Variants in AKAP8 observed in about 807,000 individuals in gnomAD.
The protein encoded by AKAP8 is A-kinase anchoring protein 8, also known as A-kinase anchor protein 8.
Under a neutral mutation model 67.5 loss-of-function variants are expected in AKAP8, and 24 were observed. The ratio of observed to expected loss-of-function variants is 0.36; its 90% CI spans 0.26 to 0.50. The LOEUF (loss-of-function observed/expected upper bound fraction) is 0.50. Among genes scored for constraint, AKAP8 ranks in the 20% least tolerant of loss-of-function variants. The pLI, the probability that AKAP8 is intolerant of heterozygous loss-of-function variation, is 0.97. For missense variants in AKAP8, 971 were observed against 955.9 expected (o/e 1.02, Z -0.21); for synonymous variants, 400 against 371.1 (o/e 1.08, Z -0.90).
At chr19:15,377,747 C>T (rs1265463024) in intron 1 of AKAP8, among the ~76,000 whole-genome samples, 2 of 152,120 alleles carry the variant, frequency 1.3e-5, no homozygotes, top group South Asian at 2.1e-4. Flanking sequence ...GGATTACAGG[C>T]GTGAGTCACC....
rs763864182 is a variant in AKAP8 at position 15,372,853 on chromosome 19, G to A, written c.859C>T (p.Arg287Trp). ...RSQPRMRDRDRPKRRGFDRFG... is the reference protein window; with the variant it reads ...RSQPRMRDRDWPKRRGFDRFG... The stretch of plus-strand genomic sequence containing the variant: ...GAAGGAACCTTGCGAGGGCTTACCC[G>A]ATCCCGATCCCGCATCCGAGGCTGC... The change falls in exon 5 of 14, where the codon CGG becomes TGG. Residue 287 changes from arginine (R) to tryptophan (W), a missense_variant and splice_region_variant. Physicochemically the swap from Arg to Trp is moderately radical, Grantham distance 101 (BLOSUM62 -3). Coordinates refer to ENST00000269701, the MANE Select transcript of AKAP8 (RefSeq NM_005858.4). 5 of 1,499,830 alleles carry A rather than the reference G, an allele frequency of 3.3e-6. No individual in the cohort carries two copies. The East Asian group carries it at 7.0e-5, about 21-fold the overall frequency. The allele number at this position is 1,499,830 out of a possible 1,614,324, so 92.9% of individuals were successfully genotyped here.
At chr19:15,376,630 G>A (rs977722061) in intron 2 of AKAP8, among the ~76,000 whole-genome samples, 1 of 152,092 alleles carries the variant, frequency 6.6e-6, no homozygotes, top group African/African-American at 2.4e-5. Flanking sequence ...TAATTATAGA[G>A]AAAAAACACC....
intron 7 of AKAP8, 109 bp from the exon 8 acceptor site, chr19:15,370,288 G>A (rs1351223746): frequency 1.9e-5 from 24 of 1,278,092 alleles, no homozygotes; most frequent in Non-Finnish European, 2.4e-5. Flanking sequence ...CCAAGACCTA[G>A]GTTGCTATGC....
In AKAP8 at chr19:15,355,382, G is replaced by A. The variant is rs2048271574; in HGVS notation, c.1624-12C>T. 4.4e-6 allele frequency: 7 copies of A among 1,606,000 alleles called. No homozygotes were observed. In the Middle Eastern group the frequency reaches 6.6e-4, roughly 152 times the overall value. ...AAAGGGTCCTCACCCTGGCCAAAGA[G>A]GAAACACCGGTCAGCGTGGTGTAAG... On this transcript the variant is annotated splice_polypyrimidine_tract_variant and intron_variant, in intron 13 of 13. Coordinates refer to ENST00000269701, the MANE Select transcript of AKAP8 (RefSeq NM_005858.4).
chr19:15,372,753 A>G, intron 5 of AKAP8, 98 bp downstream of exon 5: 2 of 1,405,824 alleles, frequency 1.4e-6, no homozygotes, highest in Non-Finnish European at 1.9e-6. Flanking sequence ...GCGCACTTAA[A>G]AACATTTAAG....
In AKAP8 at chr19:15,373,829, C is replaced by T. The variant is rs751838083; in HGVS notation, c.328G>A (p.Gly110Ser). ...CCCTCCCCACCGCCGCCGCTCCCGC[C>T]CCTGCCTCCTTCCTTGGACATCATG... ...LDMMSKEGGR[G>S]GSGGGGEGIQ... The change falls in exon 4 of 14, where the codon GGC becomes AGC. Residue 110 changes from glycine (G) to serine (S), a missense_variant. By Grantham distance (56) the Gly-to-Ser change is moderately conservative. Coordinates refer to ENST00000269701, the MANE Select transcript of AKAP8 (RefSeq NM_005858.4). The T allele has an allele frequency of 6.2e-7, 1 of 1,612,078 alleles. No homozygotes were observed. Among genetic ancestry groups the T allele is most frequent in the Admixed American group, 1.7e-5 (1 of 60,026 alleles).
intron 1 of AKAP8, among the ~76,000 whole-genome samples, chr19:15,378,160 C>G (rs970589165): frequency 6.6e-6 from 1 of 152,194 alleles, no homozygotes; most frequent in African/African-American, 2.4e-5. Context: ...TCATGGGTTA[C>G]GAGACTTGAC....
At chr19:15,366,244 C>G (rs1967068739) in intron 9 of AKAP8, among the ~76,000 whole-genome samples, 1 of 150,362 alleles carries the variant, frequency 6.7e-6, no homozygotes, top group Non-Finnish European at 1.5e-5. Context: ...AGGAAGATCT[C>G]TTGAGGCTAG....
At chr19:15,376,924 G>A (rs1967262326) in intron 2 of AKAP8, 52 bp downstream of exon 2, 1 of 1,588,430 alleles carries the variant, frequency 6.3e-7, no homozygotes, top group African/African-American at 1.3e-5. Context: ...CCATGCTAGG[G>A]CCTTGAGTTA....
chr19:15,367,150 G>A (rs189353623), intron 9 of AKAP8, among the ~76,000 whole-genome samples: 8 of 152,266 alleles, frequency 5.3e-5, no homozygotes, highest in South Asian at 2.1e-4. Flanking sequence ...CAAGCGATCC[G>A]CCAGCTCAGC....
chr19:15,374,641 G>C lies in AKAP8; in HGVS notation c.59-6C>G. On this transcript the variant is annotated splice_region_variant and splice_polypyrimidine_tract_variant and intron_variant, in intron 2 of 13. Coordinates refer to ENST00000269701, the MANE Select transcript of AKAP8 (RefSeq NM_005858.4). ...CACACCAGTTCCATATGCACCTTAG[G>C]GGAAACAGAAACACACAAGAGCCCT... The C allele has an allele frequency of 6.2e-7, 1 of 1,613,536 alleles. No homozygotes were observed. Among genetic ancestry groups the C allele is most frequent in the Non-Finnish European group, 8.5e-7 (1 of 1,179,728 alleles).
In AKAP8 at chr19:15,373,053, A is replaced by G. The variant is rs1284371995; in HGVS notation, c.659T>C (p.Leu220Pro). The G allele has an allele frequency of 3.1e-6, 5 of 1,604,298 alleles. No individual in the cohort carries two copies. Among genetic ancestry groups the G allele is most frequent in the Admixed American group, 3.4e-5 (2 of 59,376 alleles). Reference sequence around the variant, plus strand: ...GTTCAGCTCGTTCCAGGGCGTGGACAGGGGCTCAGAGGACGCAGCGGGGGG... The same window carrying G: ...GTTCAGCTCGTTCCAGGGCGTGGACGGGGGCTCAGAGGACGCAGCGGGGGG... ...FVPPAASSEPLSTPWNELNYV... is the reference protein window; with the variant it reads ...FVPPAASSEPPSTPWNELNYV... The change falls in exon 5 of 14, where the codon CTG becomes CCG. Residue 220 changes from leucine (L) to proline (P), a missense_variant. Leu to Pro is a moderately conservative substitution (Grantham distance 98, BLOSUM62 -3). Transcript: ENST00000269701.
intron 11 of AKAP8, 167 bp downstream of exon 11, chr19:15,361,562 C>A: frequency 1.7e-6 from 1 of 575,700 alleles, no homozygotes; most frequent in South Asian, 2.0e-5. Flanking sequence ...CCGTGTCAGA[C>A]AGGATGGCCT....
intron 13 of AKAP8, 141 bp from the exon 14 acceptor site, chr19:15,355,511 T>C (rs1223469391): frequency 1.2e-6 from 1 of 811,576 alleles, no homozygotes. Context: ...GAATCCTACA[T>C]GTTCTCAGAG....
chr19:15,360,884 C>G lies in AKAP8; in HGVS notation c.1491G>C (p.Arg497=). ...GATTGTGGTCCACGGAGTGCAGGTG[C>G]CGCTGGAGGAGCTGCGGCTGTGCAG... The part of the protein sequence containing the change: ...LIPAQPQLLQ[R]HLHSVDHNHN... Residue 497 remains arginine (R), a synonymous_variant, in exon 12 of 14, where the codon CGG becomes CGC. Transcript: ENST00000269701. 1.9e-6 allele frequency: 3 copies of G among 1,613,492 alleles called. No homozygotes were observed. Among genetic ancestry groups the G allele is most frequent in the Middle Eastern group, 1.7e-4 (1 of 6,008 alleles).
At chr19:15,368,477 CAG>C (rs1364726394) in intron 8 of AKAP8, 155 bp from the exon 9 acceptor site, 1 of 985,252 alleles carries the variant, frequency 1.0e-6, no homozygotes, top group Non-Finnish European at 1.2e-6. Context: ...AAGGCACTGT[CAG>C]AGACTCCTGG....
intron 9 of AKAP8, among the ~76,000 whole-genome samples, chr19:15,367,442 C>T (rs901759430): frequency 5.9e-5 from 9 of 152,112 alleles, no homozygotes; most frequent in South Asian, 2.1e-4. Flanking sequence ...GCAGGAGAAC[C>T]GCTTGAACCT....
chr19:15,373,617 C>G (rs749176001), intron 4 of AKAP8, 169 bp downstream of exon 4: 6 of 989,560 alleles, frequency 6.1e-6, no homozygotes, highest in African/African-American at 4.9e-5. Context: ...TGAAGAAAAG[C>G]AAGGAAGTCC....
At chr19:15,372,404 C>T in intron 5 of AKAP8, 57 bp from the exon 6 acceptor site, 1 of 1,595,226 alleles carries the variant, frequency 6.3e-7, no homozygotes, top group Non-Finnish European at 8.6e-7. Flanking sequence ...AGATGCCCCA[C>T]AGAAAAGAAC....
Sources: gnomAD v4.1 joint callset for allele counts (sites outside exome capture counted in the v4.1 genomes callset) on GRCh38, gnomAD v4.1.1 for gene constraint, MANE v1.5 for transcripts, NCBI Gene and HGNC (gene_info 2026-07-23, HGNC 2026-07-21) for gene names.